The following DACH2 variants were observed in gnomAD, a reference collection of about 807,000 sequenced individuals.
DACH2 encodes the protein dachshund homolog 2.
DACH2 carries 17 observed loss-of-function variants against 35.8 expected under a neutral mutation model. That is an observed-to-expected ratio of 0.48 (90% CI 0.33 to 0.71). The LOEUF (loss-of-function observed/expected upper bound fraction) is 0.71, where lower values mean the gene tolerates loss of function less well. Among genes scored for constraint, DACH2 ranks in the 30% least tolerant of loss-of-function variants. DACH2 has a pLI of 0.02. For synonymous variants in DACH2, 195 were observed against 177.3 expected (o/e 1.10, Z -0.79); for missense variants, 469 against 472.7 (o/e 0.99, Z 0.07).
intron 4 of DACH2, among the ~76,000 whole-genome samples, chrX:86,673,691 G>A (rs752394634): frequency 2.2e-4 from 25 of 111,223 alleles, no homozygotes; most frequent in African/African-American, 5.9e-4. Context: ...GGGAGGGGCC[G>A]GGGGCAGAAT....
chrX:86,286,914 G>A (rs1466540433), intron 1 of DACH2, among the ~76,000 whole-genome samples: 2 of 111,843 alleles, frequency 1.8e-5, no homozygotes, highest in African/African-American at 6.5e-5. Flanking sequence ...ACACACCACA[G>A]TTACTGTGTC....
chrX:86,578,304 G>C (rs751695197), intron 3 of DACH2, among the ~76,000 whole-genome samples: 2 of 105,035 alleles, frequency 1.9e-5, no homozygotes, highest in Non-Finnish European at 1.9e-5. Context: ...TTGTTGTGTG[G>C]TGTGAGAGCA....
chrX:86,271,339 A>G (rs2033810436), intron 1 of DACH2, among the ~76,000 whole-genome samples: 1 of 112,211 alleles, frequency 8.9e-6, no homozygotes, highest in African/African-American at 3.2e-5. Flanking sequence ...GGCAAATTCA[A>G]ATTCCATCTT....
Position 86,500,202 on chromosome X carries a change from T to C in DACH2, c.528-14077T>C, listed in dbSNP as rs570398334. On this transcript the variant is annotated intron_variant, in intron 2 of 11. Coordinates refer to ENST00000373125, the MANE Select transcript of DACH2 (RefSeq NM_053281.3). The stretch of plus-strand genomic sequence containing the variant: ...GTCTACATTCTCTTTAAATCCAATA[T>C]ACACTGGTTTGGTAATAGATCAGTA... 3.6e-5 allele frequency among the ~76,000 whole-genome samples: 4 copies of C among 111,915 alleles called. No homozygotes were observed. In the South Asian group the frequency reaches 1.1e-3, roughly 32 times the overall value.
At chrX:86,811,822 C>T (rs1180254894) in intron 7 of DACH2, among the ~76,000 whole-genome samples, 1 of 111,798 alleles carries the variant, frequency 8.9e-6, no homozygotes. Flanking sequence ...TCAGGGTTCT[C>T]AAAGTAGGAG....
chrX:86,747,154 T>C (rs1348780465), intron 7 of DACH2, among the ~76,000 whole-genome samples: 3 of 111,638 alleles, frequency 2.7e-5, no homozygotes, highest in Non-Finnish European at 3.8e-5. Context: ...TATTCAGAAT[T>C]GCTTTGGGTC....
chrX:86,539,139 T>A (rs1163120731), intron 3 of DACH2, among the ~76,000 whole-genome samples: 9 of 111,005 alleles, frequency 8.1e-5, no homozygotes, highest in Admixed American at 6.7e-4. Flanking sequence ...GATGATTAGA[T>A]CATGGGAGTG....
At chrX:86,760,573 A>G (rs1335929721) in intron 7 of DACH2, among the ~76,000 whole-genome samples, 1 of 111,081 alleles carries the variant, frequency 9.0e-6, no homozygotes, top group Non-Finnish European at 1.9e-5. Context: ...TCATGTCTAT[A>G]TTTTTGGCAA....
chrX:86,427,815 T>G (rs920537713), intron 2 of DACH2, among the ~76,000 whole-genome samples: 1 of 112,044 alleles, frequency 8.9e-6, no homozygotes, highest in African/African-American at 3.2e-5. Flanking sequence ...TCAAATGACC[T>G]AGCTGACAGT....
At chrX:86,244,636 T>A (rs755166096) in intron 1 of DACH2, among the ~76,000 whole-genome samples, 11 of 111,855 alleles carry the variant, frequency 9.8e-5, no homozygotes, top group Non-Finnish European at 1.3e-4. Context: ...TAGTCTTGGG[T>A]TGGCTGAACC....
chrX:86,313,003 G>T (rs988827843), intron 1 of DACH2, among the ~76,000 whole-genome samples: 6 of 111,339 alleles, frequency 5.4e-5, no homozygotes, highest in Admixed American at 9.6e-5. Flanking sequence ...GTGCAGTAGG[G>T]TGACTACAGT....
At chrX:86,369,611 A>G (rs905966150) in intron 1 of DACH2, among the ~76,000 whole-genome samples, 17 of 111,814 alleles carry the variant, frequency 1.5e-4, no homozygotes, top group Non-Finnish European at 3.2e-4. Flanking sequence ...TTCTGCTTAC[A>G]GAACTGCTTT....
rs146744116 is a variant in DACH2, at chrX:86,234,860, G to A, written c.488+85752G>A. Reference sequence around the variant, plus strand: ...ACTCCTGGGCTCAAGCTATCTGCCCGCCTCGACCTCCCAAGGTGCTAGGGT... The same window carrying A: ...ACTCCTGGGCTCAAGCTATCTGCCCACCTCGACCTCCCAAGGTGCTAGGGT... On this transcript the variant is annotated intron_variant, in intron 1 of 11. Transcript: ENST00000373125. Among the ~76,000 whole-genome samples, 572 of 111,055 alleles carry A rather than the reference G, an allele frequency of 5.2e-3. 4 individuals carry two copies. The highest frequency in any genetic ancestry group is 0.018 in the African/African-American group (536 of 30,538).
intron 2 of DACH2, among the ~76,000 whole-genome samples, chrX:86,464,427 C>T (rs767317721): frequency 7.2e-5 from 8 of 111,130 alleles, no homozygotes; most frequent in Admixed American, 1.9e-4. Context: ...GAACAGAAAA[C>T]CAAACACCGC....
chrX:86,659,141 G>A (rs1444260508), intron 4 of DACH2, among the ~76,000 whole-genome samples: 2 of 110,917 alleles, frequency 1.8e-5, no homozygotes, highest in African/African-American at 6.5e-5. Context: ...AGCGAGGCAT[G>A]CTGTTTTTAT....
chrX:86,378,862 A>C (rs913797488), intron 2 of DACH2, among the ~76,000 whole-genome samples: 13 of 111,434 alleles, frequency 1.2e-4, no homozygotes, highest in African/African-American at 3.9e-4. Context: ...GGTACTCAAA[A>C]TGGTGGTTAT....
intron 11 of DACH2, chrX:86,830,320 A>G (rs1266119429): frequency 8.9e-6 from 1 of 112,139 alleles, no homozygotes; most frequent in Non-Finnish European, 1.9e-5. Flanking sequence ...TCAACATTAT[A>G]CAACATGCTA....
chrX:86,640,407 C>G (rs1248562742), intron 3 of DACH2, among the ~76,000 whole-genome samples: 1 of 111,795 alleles, frequency 8.9e-6, no homozygotes, highest in African/African-American at 3.3e-5. Context: ...CCCCACACAA[C>G]TCTCACGGTT....
chrX:86,375,571 G>A (rs960392757), intron 1 of DACH2, among the ~76,000 whole-genome samples: 5 of 106,590 alleles, frequency 4.7e-5, no homozygotes, highest in Non-Finnish European at 9.7e-5. Flanking sequence ...GACTTGGTGT[G>A]TATGATTATA....
Sources: gnomAD v4.1 joint callset for allele counts (sites outside exome capture counted in the v4.1 genomes callset) on GRCh38, gnomAD v4.1.1 for gene constraint, MANE v1.5 for transcripts, NCBI Gene and HGNC (gene_info 2026-07-23, HGNC 2026-07-21) for gene names.